Variants in HS6ST3 observed in about 807,000 individuals in gnomAD.
The protein encoded by HS6ST3 is heparan sulfate 6-O-sulfotransferase 3, also known as heparan-sulfate 6-O-sulfotransferase 3.
HS6ST3 carries 12 observed loss-of-function variants against 36.7 expected under a neutral mutation model. The observed-to-expected ratio is 0.33, with a 90% confidence interval of 0.21 to 0.53. The LOEUF (loss-of-function observed/expected upper bound fraction) is 0.53, where lower values mean the gene tolerates loss of function less well. HS6ST3 is among the 20% of genes least tolerant of loss of function. HS6ST3 has a pLI of 0.95. For missense variants in HS6ST3, 584 were observed against 640.9 expected, an observed-to-expected ratio of 0.91 and a Z score of 0.96; for synonymous variants, 240 against 257.5, an observed-to-expected ratio of 0.93 and a Z score of 0.65.
At chr13:96,654,429 C>T (rs577232464) in intron 1 of HS6ST3, among the ~76,000 whole-genome samples, 12 of 151,792 alleles carry the variant, frequency 7.9e-5, no homozygotes, top group African/African-American at 2.9e-4. Flanking sequence ...CTGCATATGG[C>T]TATCCAGTTT....
At chr13:96,600,292 G>C (rs1427644273) in intron 1 of HS6ST3, among the ~76,000 whole-genome samples, 2 of 148,480 alleles carry the variant, frequency 1.3e-5, no homozygotes, top group Non-Finnish European at 3.0e-5. Flanking sequence ...AAATTTAGTG[G>C]TATTTGTTTT....
intron 1 of HS6ST3, among the ~76,000 whole-genome samples, chr13:96,266,886 G>A (rs939199922): frequency 3.9e-5 from 6 of 152,118 alleles, no homozygotes; most frequent in Non-Finnish European, 5.9e-5. Context: ...GTCAGTCTGC[G>A]TATCCTGAGC....
intron 1 of HS6ST3, among the ~76,000 whole-genome samples, chr13:96,245,801 T>C (rs953412160): frequency 1.3e-5 from 2 of 152,116 alleles, no homozygotes; most frequent in African/African-American, 4.8e-5. Flanking sequence ...GGTTTTTAGA[T>C]GCAAAAGTCA....
intron 1 of HS6ST3, among the ~76,000 whole-genome samples, chr13:96,144,969 A>G (rs1209919461): frequency 6.6e-6 from 1 of 151,450 alleles, no homozygotes; most frequent in African/African-American, 2.4e-5. Context: ...CCTACAAAGG[A>G]CATGAACTCA....
chr13:96,296,121 G>A (rs1036214467), intron 1 of HS6ST3, among the ~76,000 whole-genome samples: 3 of 152,110 alleles, frequency 2.0e-5, no homozygotes, highest in Non-Finnish European at 4.4e-5. Flanking sequence ...AGTGCTCCAC[G>A]TGTGTCTGGT....
chr13:96,667,140 A>T (rs2056666757), intron 1 of HS6ST3, among the ~76,000 whole-genome samples: 2 of 152,200 alleles, frequency 1.3e-5, no homozygotes, highest in South Asian at 4.1e-4. Flanking sequence ...GCTAATGCAA[A>T]ATTCTATAAA....
chr13:96,634,551 T>C (rs1043055425), intron 1 of HS6ST3, among the ~76,000 whole-genome samples: 3 of 152,156 alleles, frequency 2.0e-5, no homozygotes, highest in Non-Finnish European at 4.4e-5. Context: ...ATGAGTGTCT[T>C]TGCTACTAGA....
chr13:96,391,700 C>A (rs1217349614), intron 1 of HS6ST3, among the ~76,000 whole-genome samples: 1 of 152,096 alleles, frequency 6.6e-6, no homozygotes. Flanking sequence ...AAGAGAGGAG[C>A]ACTTGTGCAG....
chr13:96,521,265 A>G (rs2056092253), intron 1 of HS6ST3, among the ~76,000 whole-genome samples: 1 of 152,210 alleles, frequency 6.6e-6, no homozygotes, highest in South Asian at 2.1e-4. Context: ...TATTTTATTG[A>G]GGATTTTCAC....
intron 1 of HS6ST3, among the ~76,000 whole-genome samples, chr13:96,412,800 C>T (rs138037037): frequency 6.6e-6 from 1 of 151,238 alleles, no homozygotes; most frequent in East Asian, 1.9e-4. Context: ...TTAAAACCCA[C>T]AAATTTCCAT....
chr13:96,375,266 T>G (rs2055309255), intron 1 of HS6ST3, among the ~76,000 whole-genome samples: 1 of 148,200 alleles, frequency 6.7e-6, no homozygotes, highest in Non-Finnish European at 1.5e-5. Flanking sequence ...CTCCAACTCC[T>G]AGGTGCTTCC....
chr13:96,771,867 A>C (rs147672054), intron 1 of HS6ST3, among the ~76,000 whole-genome samples: 1 of 152,214 alleles, frequency 6.6e-6, no homozygotes, highest in South Asian at 2.1e-4. Context: ...ATGTTTTGCC[A>C]AGGAGGTCAT....
chr13:96,701,135 G>A (rs1875274659), intron 1 of HS6ST3, among the ~76,000 whole-genome samples: 1 of 152,088 alleles, frequency 6.6e-6, no homozygotes, highest in Non-Finnish European at 1.5e-5. Context: ...TTAAATAGTT[G>A]GATTGATCTG....
At chr13:96,803,019 T>C (rs1878117856) in intron 1 of HS6ST3, among the ~76,000 whole-genome samples, 1 of 152,202 alleles carries the variant, frequency 6.6e-6, no homozygotes, top group Non-Finnish European at 1.5e-5. Context: ...TATTCTACCC[T>C]GACTCTTCAT....
chr13:96,484,046 G>T lies in HS6ST3; in HGVS notation c.708-348444G>T, dbSNP rs77522963. Among the ~76,000 whole-genome samples, 1,374 of 152,160 alleles carry T rather than the reference G, an allele frequency of 9.0e-3. 25 individuals carry two copies. Among genetic ancestry groups the T allele is most frequent in the African/African-American group, 0.032 (1,326 of 41,494 alleles). ...GTCTTTGCTCCTTTGTCAAAGATCAGTTGACTATATTTATATGGATCTATT... is the reference window on the plus strand; with the variant it reads ...GTCTTTGCTCCTTTGTCAAAGATCATTTGACTATATTTATATGGATCTATT... On this transcript the variant is annotated intron_variant, in intron 1 of 1. Coordinates refer to ENST00000376705, the MANE Select transcript of HS6ST3 (RefSeq NM_153456.4).
intron 1 of HS6ST3, among the ~76,000 whole-genome samples, chr13:96,273,773 C>CT (rs1223821925): frequency 6.6e-6 from 1 of 152,030 alleles, no homozygotes; most frequent in Non-Finnish European, 1.5e-5. Context: ...CACCTGGAGT[C>CT]TAACAAAGAG....
intron 1 of HS6ST3, among the ~76,000 whole-genome samples, chr13:96,588,454 T>C (rs1350334070): frequency 1.3e-5 from 2 of 152,208 alleles, no homozygotes; most frequent in Admixed American, 6.5e-5. Context: ...ATATTGAATT[T>C]TGTCAAATGC....
At position 96,798,713 on chromosome 13, in the gene HS6ST3, C is replaced by T. The variant is rs752823401; in HGVS notation, c.708-33777C>T. Reference sequence around the variant, plus strand: ...TAGGGTAAGGATAAAAGATTATATACGCATCTATGTGTGTGCTTGTGTGTC... The same window carrying T: ...TAGGGTAAGGATAAAAGATTATATATGCATCTATGTGTGTGCTTGTGTGTC... On this transcript the variant is annotated intron_variant, in intron 1 of 1. Transcript: ENST00000376705. Among the ~76,000 whole-genome samples, 11 of 151,996 alleles carry T rather than the reference C, an allele frequency of 7.2e-5. No homozygotes were observed. The East Asian group carries it at 9.7e-4, about 13-fold the overall frequency.
intron 1 of HS6ST3, among the ~76,000 whole-genome samples, chr13:96,522,370 T>C (rs1435939593): frequency 1.3e-5 from 2 of 152,188 alleles, no homozygotes; most frequent in Non-Finnish European, 2.9e-5. Flanking sequence ...TTAGGTCTGC[T>C]TGGTCCAGAG....
Sources: allele counts gnomAD v4.1 joint callset (sites outside exome capture counted in the v4.1 genomes callset), GRCh38; gene constraint gnomAD v4.1.1; transcripts MANE v1.5; gene names NCBI Gene and HGNC (gene_info 2026-07-23, HGNC 2026-07-21).